The following DOK7 variants were observed in gnomAD, a reference collection of about 807,000 sequenced individuals.
DOK7 encodes the protein protein Dok-7.
In DOK7, 32 loss-of-function variants were observed where a neutral mutation model predicts 30.7. That is an observed-to-expected ratio of 1.04 (90% CI 0.79 to 1.40). The LOEUF (loss-of-function observed/expected upper bound fraction) is 1.40, where lower values mean the gene tolerates loss of function less well. Ranked by LOEUF, DOK7 falls within the 40% of genes most tolerant of loss-of-function variation. DOK7 has a pLI of 0.00. For missense variants in DOK7, 1,007 were observed against 699.2 expected (o/e 1.44, Z -4.97); for synonymous variants, 447 against 324.1 (o/e 1.38, Z -4.07).
chr4:3,491,940 C>G (rs1208889957), intron 6 of DOK7, among the ~76,000 whole-genome samples: 2 of 152,234 alleles, frequency 1.3e-5, no homozygotes, highest in African/African-American at 4.8e-5. Context: ...GCCCTCTGAT[C>G]ACTGCTTGTC....
chr4:3,483,611 G>A (rs555986304), intron 4 of DOK7, among the ~76,000 whole-genome samples: 4 of 152,344 alleles, frequency 2.6e-5, no homozygotes, highest in South Asian at 2.1e-4. Flanking sequence ...CTCCGCAGAC[G>A]CCGCATGGAA....
intron 2 of DOK7, among the ~76,000 whole-genome samples, chr4:3,470,139 T>C (rs1367834068): frequency 1.3e-5 from 2 of 152,200 alleles, no homozygotes; most frequent in African/African-American, 4.8e-5. Flanking sequence ...TCCCAGCTCC[T>C]GTTAGACACA....
At chr4:3,496,737 G>C, downstream of DOK7, 1 of 1,467,426 alleles carries the variant, frequency 6.8e-7, no homozygotes, top group Non-Finnish European at 9.1e-7. Context: ...TTGGGGGGTA[G>C]TGTCCTTGTT....
intron 5 of DOK7, 103 bp downstream of exon 5, chr4:3,485,761 C>G: frequency 7.5e-7 from 1 of 1,340,646 alleles, no homozygotes; most frequent in South Asian, 1.9e-5. Flanking sequence ...GTTAGATGGC[C>G]AGCCTCCCCA....
intron 4 of DOK7, 71 bp downstream of exon 4, chr4:3,476,613 G>C (rs557158726): frequency 1.3e-6 from 2 of 1,595,034 alleles, no homozygotes; most frequent in African/African-American, 1.3e-5. Context: ...TGCTGGCTTC[G>C]GGCCGGCCGA....
At chr4:3,464,982 C>A (rs956313248) in intron 2 of DOK7, among the ~76,000 whole-genome samples, 4 of 152,174 alleles carry the variant, frequency 2.6e-5, no homozygotes, top group African/African-American at 9.7e-5. Context: ...AGATCTGCAG[C>A]CTTCTGGGGC....
chr4:3,482,782 T>C (rs1727510983), intron 4 of DOK7, among the ~76,000 whole-genome samples: 1 of 152,290 alleles, frequency 6.6e-6, no homozygotes, highest in Admixed American at 6.5e-5. Context: ...CACCTATGTC[T>C]TTCCACCCAA....
In DOK7 at chr4:3,476,114, C is replaced by T. The variant is rs1318860143; in HGVS notation, c.332-228C>T. Among the ~76,000 whole-genome samples the T allele has an allele frequency of 2.0e-5, 3 of 149,776 alleles. No homozygotes were observed. In the South Asian group the frequency reaches 6.4e-4, roughly 32 times the overall value. Reference sequence around the variant, plus strand: ...CTCACCCCACCTGTCCACAGTGGCCCCTGTTGCCTCCTCTCATGATGCCCT... The same window carrying T: ...CTCACCCCACCTGTCCACAGTGGCCTCTGTTGCCTCCTCTCATGATGCCCT... On this transcript the variant is annotated intron_variant, in intron 3 of 6. Coordinates refer to ENST00000340083, the MANE Select transcript of DOK7 (RefSeq NM_173660.5).
downstream of DOK7, among the ~76,000 whole-genome samples, chr4:3,495,606 C>T (rs1280167037): frequency 6.6e-6 from 1 of 152,246 alleles, no homozygotes. Flanking sequence ...TCTCCAGCCT[C>T]AGTACCCAGT....
intron 2 of DOK7, among the ~76,000 whole-genome samples, chr4:3,467,457 C>CCA (rs1553845012): frequency 1.3e-4 from 16 of 126,220 alleles, no homozygotes; most frequent in Non-Finnish European, 1.4e-4. Flanking sequence ...AGACCCCCCC[C>CCA]CCCCACCCCA....
At chr4:3,475,341 C>T (rs780594609) in intron 3 of DOK7, among the ~76,000 whole-genome samples, 7 of 152,204 alleles carry the variant, frequency 4.6e-5, no homozygotes, top group Admixed American at 2.0e-4. Context: ...GACAAGGATG[C>T]GCCTGAGGCC....
Position 3,493,878 on chromosome 4 carries a change from C to A in DOK7, c.*377C>A. The A allele has an allele frequency of 9.0e-7, 1 of 1,111,728 alleles. No homozygotes were observed. The highest frequency in any genetic ancestry group is 1.1e-6 in the Non-Finnish European group (1 of 910,840). The allele number at this position is 1,111,728 out of a possible 1,614,324, so 68.9% of individuals were successfully genotyped here. A position where few individuals can be genotyped will look rare whatever the true frequency, so the allele number is the denominator to read the frequency against. ...CGCTGGCCTTGTCCTCCTTGGGCCT[C>A]ACGCCCCCTTCGGGGGTGGCCGGTT... On this transcript the variant is annotated 3_prime_UTR_variant, in exon 7 of 7. Coordinates refer to ENST00000340083, the MANE Select transcript of DOK7 (RefSeq NM_173660.5).
chr4:3,492,427 CGTGGGGTGTTAGGCAGGGAGG>C (rs1476693921), intron 6 of DOK7, among the ~76,000 whole-genome samples: 2 of 102,240 alleles, frequency 2.0e-5, no homozygotes, highest in Non-Finnish European at 1.9e-5. Context: ...GGGTATGGAG[CGTGGGGTGTTAGGCAGGGAGG>C]GTGGGGAGCT....
chr4:3,483,748 C>T (rs997174523), intron 4 of DOK7, among the ~76,000 whole-genome samples: 52 of 152,326 alleles, frequency 3.4e-4, no homozygotes, highest in African/African-American at 1.2e-3. Context: ...AGAGCTGGGG[C>T]TGTGCCGGCT....
At chr4:3,479,212 C>T (rs1490089426) in intron 4 of DOK7, among the ~76,000 whole-genome samples, 1 of 152,208 alleles carries the variant, frequency 6.6e-6, no homozygotes, top group Admixed American at 6.5e-5. Flanking sequence ...CTGTGCCACT[C>T]CAGTCCCTGC....
chr4:3,480,421 A>G (rs914029075), intron 4 of DOK7, among the ~76,000 whole-genome samples: 1 of 152,206 alleles, frequency 6.6e-6, no homozygotes, highest in Non-Finnish European at 1.5e-5. Context: ...CAGCCTGGTC[A>G]ACATGGTGAA....
intron 2 of DOK7, among the ~76,000 whole-genome samples, chr4:3,473,006 G>A (rs1361675133): frequency 6.6e-6 from 1 of 152,212 alleles, no homozygotes; most frequent in Non-Finnish European, 1.5e-5. Context: ...GGCAGAACCA[G>A]GGCAGGAGGC....
At position 3,493,932 on chromosome 4, in the gene DOK7, A is replaced by G. The variant is rs1355560387; in HGVS notation, c.*431A>G. ...CCCATCACCTCTCTGGGGCAGTCAC[A>G]CCACCTGTTAAGCATCAAGCTACCA... On this transcript the variant is annotated 3_prime_UTR_variant, in exon 7 of 7. Coordinates refer to ENST00000340083, the MANE Select transcript of DOK7 (RefSeq NM_173660.5). 3 of 1,020,638 alleles carry G rather than the reference A, an allele frequency of 2.9e-6. No homozygotes were observed. Among genetic ancestry groups the G allele is most frequent in the Non-Finnish European group, 3.5e-6 (3 of 854,054 alleles). 63.2% of individuals were successfully genotyped at this position (1,020,638 alleles called of 1,614,324 possible).
At chr4:3,494,630 T>A, downstream of DOK7, 1 of 770,382 alleles carries the variant, frequency 1.3e-6, no homozygotes, top group Non-Finnish European at 1.6e-6. Flanking sequence ...CTTGTGAGCC[T>A]TGGGCCTGAA....
Sources: gnomAD v4.1 joint callset for allele counts (sites outside exome capture counted in the v4.1 genomes callset) on GRCh38, gnomAD v4.1.1 for gene constraint, MANE v1.5 for transcripts, NCBI Gene and HGNC (gene_info 2026-07-23, HGNC 2026-07-21) for gene names.